TENM4: variants seen among roughly 807,000 people sequenced by gnomAD.
The protein encoded by TENM4 is teneurin transmembrane protein 4.
In TENM4, 82 loss-of-function variants were observed where a neutral mutation model predicts 243.3. The observed-to-expected ratio is 0.34, with a 90% confidence interval of 0.28 to 0.40. TENM4 has a LOEUF of 0.40. TENM4 is among the 10% of genes least tolerant of loss of function. The pLI is 1.00. For synonymous variants in TENM4, 1,412 were observed against 1,456.3 expected (o/e 0.97, Z 0.69); for missense variants, 3,138 against 3,673.3 (o/e 0.85, Z 3.77).
Position 79,367,355 on chromosome 11 carries a change from G to T in TENM4, c.-320-69812C>A, listed in dbSNP as rs555598120. ...ATTCCTTTACAAGAAGCTACCACCTGTGAGTCAGCCAGAAAGATTATTTTT... is the reference window on the plus strand; with the variant it reads ...ATTCCTTTACAAGAAGCTACCACCTTTGAGTCAGCCAGAAAGATTATTTTT... On this transcript the variant is annotated intron_variant, in intron 1 of 33. Coordinates refer to ENST00000278550, the MANE Select transcript of TENM4 (RefSeq NM_001098816.3). Among the ~76,000 whole-genome samples, 114 of 152,322 alleles carry T rather than the reference G, an allele frequency of 7.5e-4. 3 individuals carry two copies. In the South Asian group the frequency reaches 0.023, roughly 31 times the overall value.
chr11:79,122,489 C>T (rs1034550823), intron 4 of TENM4, among the ~76,000 whole-genome samples: 1 of 152,060 alleles, frequency 6.6e-6, no homozygotes, highest in Non-Finnish European at 1.5e-5. Context: ...GAGAGATGTC[C>T]GCTGGGACTA....
At chr11:78,949,554 G>T (rs1423852988) in intron 6 of TENM4, among the ~76,000 whole-genome samples, 1 of 152,202 alleles carries the variant, frequency 6.6e-6, no homozygotes, top group African/African-American at 2.4e-5. Flanking sequence ...TCTTTATTCA[G>T]AAGCAAATGT....
intron 6 of TENM4, among the ~76,000 whole-genome samples, chr11:79,022,488 A>T (rs1038895452): frequency 1.3e-4 from 20 of 152,278 alleles, no homozygotes; most frequent in Middle Eastern, 6.8e-3. Context: ...GGACCAGGGG[A>T]GAGCAGTCCG....
chr11:79,110,684 T>A (rs1861483512), intron 4 of TENM4, among the ~76,000 whole-genome samples: 1 of 151,864 alleles, frequency 6.6e-6, no homozygotes. Flanking sequence ...GTTCCAAAGC[T>A]CAGGTCAAAA....
intron 21 of TENM4, among the ~76,000 whole-genome samples, chr11:78,730,545 C>T (rs765481689): frequency 6.6e-6 from 1 of 152,110 alleles, no homozygotes; most frequent in Non-Finnish European, 1.5e-5. Context: ...CCGGGGAACG[C>T]TCAGGTCACT....
At chr11:78,687,778 C>A (rs1200161961) in intron 29 of TENM4, among the ~76,000 whole-genome samples, 2 of 152,164 alleles carry the variant, frequency 1.3e-5, no homozygotes, top group Non-Finnish European at 2.9e-5. Flanking sequence ...ATTAGGATGG[C>A]AGAATAGCGA....
chr11:79,274,308 G>A (rs765121513), intron 2 of TENM4, among the ~76,000 whole-genome samples: 6 of 152,208 alleles, frequency 3.9e-5, no homozygotes, highest in Admixed American at 2.0e-4. Flanking sequence ...AATGCATCCC[G>A]TTTTTCACTC....
At chr11:79,193,736 C>G (rs951672264) in intron 3 of TENM4, among the ~76,000 whole-genome samples, 1 of 152,190 alleles carries the variant, frequency 6.6e-6, no homozygotes, top group African/African-American at 2.4e-5. Flanking sequence ...GGGTTCTTCT[C>G]TCCCACCTTG....
rs148589946 is a variant in TENM4, at chr11:79,160,935, T to C, written c.-162-12129A>G. 5.5e-3 allele frequency among the ~76,000 whole-genome samples: 845 copies of C among 152,326 alleles called. 11 individuals are homozygous for C. The highest frequency in any genetic ancestry group is 0.019 in the African/African-American group (799 of 41,574). ...CCAATGGGTGTGAGCAGAGGTGTTA[T>C]GTGCAACTTTTTGCTTGCAGTTTTA... On this transcript the variant is annotated intron_variant, in intron 3 of 33. Transcript: ENST00000278550.
At chr11:79,181,704 TAA>T (rs369480204) in intron 3 of TENM4, among the ~76,000 whole-genome samples, 1 of 138,632 alleles carries the variant, frequency 7.2e-6, no homozygotes, top group African/African-American at 2.6e-5. Flanking sequence ...AAGAACTGAT[TAA>T]AAAAAAAAAA....
Position 78,758,577 on chromosome 11 carries a change from A to G in TENM4, c.2540-1556T>C, listed in dbSNP as rs1856364059. Among the ~76,000 whole-genome samples the G allele has an allele frequency of 1.3e-5, 2 of 152,210 alleles. 1 individual carries two copies. Among genetic ancestry groups the G allele is most frequent in the Non-Finnish European group, 2.9e-5 (2 of 68,036 alleles). ...TTCTCTAGTTTTCTCCATGGAGTTT[A>G]CAATACAGAAGCTGCCCACCAAAGT... On this transcript the variant is annotated intron_variant, in intron 18 of 33. Transcript: ENST00000278550.
At chr11:79,415,984 T>G (rs1293781181) in intron 1 of TENM4, among the ~76,000 whole-genome samples, 1 of 151,906 alleles carries the variant, frequency 6.6e-6, no homozygotes, top group Non-Finnish European at 1.5e-5. Flanking sequence ...AAAGGAATCA[T>G]ACAGTATACA....
chr11:78,889,355 C>T (rs978265950), intron 9 of TENM4, among the ~76,000 whole-genome samples: 1 of 152,212 alleles, frequency 6.6e-6, no homozygotes, highest in Non-Finnish European at 1.5e-5. Context: ...GGGTGCTCCA[C>T]CTCCTTCCTG....
chr11:79,138,999 A>T (rs1339338237), intron 4 of TENM4, among the ~76,000 whole-genome samples: 16 of 43,900 alleles, frequency 3.6e-4, no homozygotes, highest in Non-Finnish European at 6.0e-4. Context: ...TAAATATATA[A>T]AATATATATT....
chr11:79,406,543 A>G (rs182890905), intron 1 of TENM4, among the ~76,000 whole-genome samples: 1 of 152,328 alleles, frequency 6.6e-6, no homozygotes, highest in East Asian at 1.9e-4. Flanking sequence ...GTGAAACAAG[A>G]CTTTCTCACC....
At chr11:79,134,778 A>G (rs967492009) in intron 4 of TENM4, among the ~76,000 whole-genome samples, 3 of 152,198 alleles carry the variant, frequency 2.0e-5, no homozygotes, top group African/African-American at 7.2e-5. Flanking sequence ...GTGCTGGGAT[A>G]ATTGGCTAGC....
intron 1 of TENM4, among the ~76,000 whole-genome samples, chr11:79,348,232 C>T (rs531621457): frequency 2.6e-5 from 4 of 152,278 alleles, no homozygotes; most frequent in Admixed American, 6.5e-5. Flanking sequence ...GAATATCTTT[C>T]ACGTTCTGGT....
chr11:78,732,640 AAGAG>A, intron 20 of TENM4, 63 bp from the exon 21 acceptor site: 2 of 1,501,884 alleles, frequency 1.3e-6, no homozygotes, highest in Non-Finnish European at 1.8e-6. Flanking sequence ...CAGGATGAGA[AAGAG>A]AGAGACAAAG....
At chr11:78,694,537 T>G (rs1027325793) in intron 28 of TENM4, among the ~76,000 whole-genome samples, 4 of 152,230 alleles carry the variant, frequency 2.6e-5, no homozygotes, top group African/African-American at 9.6e-5. Flanking sequence ...ATACTGTATT[T>G]GAGGTGGTGC....
Sources: gnomAD v4.1 joint callset for allele counts (sites outside exome capture counted in the v4.1 genomes callset) on GRCh38, gnomAD v4.1.1 for gene constraint, MANE v1.5 for transcripts, NCBI Gene and HGNC (gene_info 2026-07-23, HGNC 2026-07-21) for gene names.